PCOLCE2: variants seen among roughly 807,000 people sequenced by gnomAD.
The protein encoded by PCOLCE2 is procollagen C-endopeptidase enhancer 2.
Under a neutral mutation model 47.0 loss-of-function variants are expected in PCOLCE2, and 42 were observed. That is an observed-to-expected ratio of 0.89 (90% CI 0.70 to 1.16). PCOLCE2 has a LOEUF of 1.16. Ranked by LOEUF, PCOLCE2 falls within the 50% of genes most tolerant of loss-of-function variation. The pLI is 0.00. For missense variants in PCOLCE2, 500 were observed against 526.1 expected, an observed-to-expected ratio of 0.95 and a Z score of 0.49; for synonymous variants, 169 against 191.7, an observed-to-expected ratio of 0.88 and a Z score of 0.98.
chr3:142,842,565 CTG>C lies in PCOLCE2; in HGVS notation c.573+357_573+358del, dbSNP rs944540620. ...CCAGCCTGACCAACATGGAGAAACT[CTG>C]TCTCTACTAAAAAAATACAAAATTA... On this transcript the variant is annotated intron_variant, in intron 4 of 8. Transcript: ENST00000295992. The surrounding 1 kb of genome is among the most constrained non-coding windows in gnomAD (Gnocchi z 4.1). Among the ~76,000 whole-genome samples, 23 of 152,030 alleles carry C rather than the reference CTG, an allele frequency of 1.5e-4. No individual in the cohort carries two copies. Among genetic ancestry groups the C allele is most frequent in the Non-Finnish European group, 4.4e-5 (3 of 68,016 alleles).
intron 4 of PCOLCE2, among the ~76,000 whole-genome samples, chr3:142,840,031 G>A (rs1458772098): frequency 6.6e-6 from 1 of 152,176 alleles, no homozygotes; most frequent in Non-Finnish European, 1.5e-5. Context: ...TTCCCCTTTT[G>A]AGGGAAGGAG....
intron 1 of PCOLCE2, 51 bp downstream of exon 1, chr3:142,888,763 G>A (rs753137634): frequency 1.8e-6 from 2 of 1,101,026 alleles, no homozygotes; most frequent in Non-Finnish European, 2.5e-6. Context: ...AGGCTGCAGG[G>A]GTGGAGGAAG....
At chr3:142,877,517 T>G (rs1933523679) in intron 2 of PCOLCE2, among the ~76,000 whole-genome samples, 1 of 152,212 alleles carries the variant, frequency 6.6e-6, no homozygotes, top group African/African-American at 2.4e-5. Flanking sequence ...ATTTATTGAG[T>G]GCCTGCTTGT....
At chr3:142,870,678 T>C (rs1933371955) in intron 2 of PCOLCE2, among the ~76,000 whole-genome samples, 1 of 152,152 alleles carries the variant, frequency 6.6e-6, no homozygotes, top group Admixed American at 6.5e-5. Flanking sequence ...AGTAAGTGTC[T>C]TTATTGCCAT....
chr3:142,829,118 A>T (rs1937117214), intron 6 of PCOLCE2, among the ~76,000 whole-genome samples: 1 of 152,150 alleles, frequency 6.6e-6, no homozygotes, highest in Non-Finnish European at 1.5e-5. Flanking sequence ...TACTACCTAC[A>T]GAGACCCTGC....
intron 6 of PCOLCE2, chr3:142,827,445 C>T: frequency 6.4e-7 from 1 of 1,560,590 alleles, no homozygotes; most frequent in East Asian, 2.2e-5. Flanking sequence ...TTCTTGGTCT[C>T]AGGGTTGTGG....
intron 2 of PCOLCE2, among the ~76,000 whole-genome samples, chr3:142,858,064 C>T (rs1362674730): frequency 6.6e-6 from 1 of 152,188 alleles, no homozygotes; most frequent in African/African-American, 2.4e-5. Flanking sequence ...AAAGTTGGGG[C>T]CAAATACACC....
chr3:142,840,891 C>T (rs1361327258), intron 4 of PCOLCE2, among the ~76,000 whole-genome samples: 1 of 151,926 alleles, frequency 6.6e-6, no homozygotes, highest in African/African-American at 2.4e-5. Context: ...CTGGCCAACA[C>T]GGTGAAACCC....
chr3:142,847,394 A>G (rs1202276451), intron 3 of PCOLCE2, among the ~76,000 whole-genome samples: 3 of 152,238 alleles, frequency 2.0e-5, no homozygotes, highest in Admixed American at 2.0e-4. Context: ...GTTGCACTAC[A>G]GTCCAATCCA....
chr3:142,858,320 G>A (rs1424415747), intron 2 of PCOLCE2, among the ~76,000 whole-genome samples: 1 of 152,116 alleles, frequency 6.6e-6, no homozygotes, highest in East Asian at 1.9e-4. Context: ...CTGGCAGCCA[G>A]GCATCCAAAA....
intron 2 of PCOLCE2, among the ~76,000 whole-genome samples, chr3:142,886,690 C>A (rs944130761): frequency 6.6e-6 from 1 of 152,220 alleles, no homozygotes; most frequent in African/African-American, 2.4e-5. Flanking sequence ...TCCCGACTGT[C>A]TGATCAAGTC....
intron 5 of PCOLCE2, among the ~76,000 whole-genome samples, chr3:142,833,634 T>C (rs1350527937): frequency 6.6e-6 from 1 of 152,226 alleles, no homozygotes; most frequent in Admixed American, 6.5e-5. Flanking sequence ...TTACAAACCA[T>C]ATTGCTGAGA....
chr3:142,850,110 CAATTT>C (rs895467053), intron 2 of PCOLCE2, among the ~76,000 whole-genome samples: 33 of 152,236 alleles, frequency 2.2e-4, no homozygotes, highest in Admixed American at 1.6e-3. Flanking sequence ...ACAGAAAGAA[CAATTT>C]AAATTTTAAA....
At chr3:142,830,562 T>G (rs1937133487) in intron 5 of PCOLCE2, among the ~76,000 whole-genome samples, 1 of 152,198 alleles carries the variant, frequency 6.6e-6, no homozygotes, top group African/African-American at 2.4e-5. Context: ...AAGAAAGTGA[T>G]GAATCTGTTT....
At chr3:142,827,345 G>C in intron 6 of PCOLCE2, 2 of 1,475,580 alleles carry the variant, frequency 1.4e-6, no homozygotes, top group Non-Finnish European at 1.9e-6. Context: ...GGGTTTGTCA[G>C]TTCGGCCACC....
intron 2 of PCOLCE2, among the ~76,000 whole-genome samples, chr3:142,856,663 G>A (rs981517869): frequency 6.6e-6 from 1 of 152,216 alleles, no homozygotes; most frequent in Non-Finnish European, 1.5e-5. Flanking sequence ...ACAGGCAATC[G>A]TGCCAAGAGC....
intron 2 of PCOLCE2, among the ~76,000 whole-genome samples, chr3:142,862,669 A>G (rs972040585): frequency 2.6e-5 from 4 of 152,206 alleles, no homozygotes; most frequent in Non-Finnish European, 5.9e-5. Flanking sequence ...TGTCATGTAT[A>G]ACATTATAAA....
chr3:142,818,494 T>C, intron 8 of PCOLCE2, 29 bp from the exon 9 acceptor site: 2 of 1,553,828 alleles, frequency 1.3e-6, no homozygotes, highest in Non-Finnish European at 1.8e-6. Flanking sequence ...GAAATTAATC[T>C]TTTTCTCTAT....
chr3:142,820,712 C>T (rs1438476407), intron 8 of PCOLCE2, among the ~76,000 whole-genome samples, 166 bp downstream of exon 8: 1 of 152,224 alleles, frequency 6.6e-6, no homozygotes, highest in African/African-American at 2.4e-5. Flanking sequence ...TCTTCTGCCA[C>T]AAGTTACAAG....
Sources: gnomAD v4.1 joint callset for allele counts (sites outside exome capture counted in the v4.1 genomes callset) on GRCh38, gnomAD v4.1.1 for gene constraint, Gnocchi (gnomAD v3.1) non-coding constraint, MANE v1.5 for transcripts, NCBI Gene and HGNC (gene_info 2026-07-23, HGNC 2026-07-21) for gene names.